The following CSMD1 variants were observed in gnomAD, a reference collection of about 807,000 sequenced individuals.
CSMD1 encodes CUB and Sushi multiple domains 1.
Under a neutral mutation model 417.5 loss-of-function variants are expected in CSMD1, and 213 were observed. That is an observed-to-expected ratio of 0.51 (90% CI 0.46 to 0.57). The LOEUF (loss-of-function observed/expected upper bound fraction) is 0.57, where lower values mean the gene tolerates loss of function less well. Among genes scored for constraint, CSMD1 ranks in the 20% least tolerant of loss-of-function variants. The pLI is 0.00. For missense variants in CSMD1, 6,923 were observed against 4,529.7 expected, an observed-to-expected ratio of 1.53 and a Z score of -15.17; for synonymous variants, 2,862 against 1,736.8, an observed-to-expected ratio of 1.65 and a Z score of -16.11.
At chr8:3,600,886 C>G (rs1045011107) in intron 8 of CSMD1, among the ~76,000 whole-genome samples, 38 of 151,902 alleles carry the variant, frequency 2.5e-4, no homozygotes, top group African/African-American at 8.5e-4. Flanking sequence ...TAAATGATTT[C>G]AATACAATAA....
chr8:2,971,163 T>C (rs1178805935), intron 57 of CSMD1, among the ~76,000 whole-genome samples: 4 of 152,220 alleles, frequency 2.6e-5, no homozygotes, highest in African/African-American at 7.2e-5. Flanking sequence ...TGTTGTCTCA[T>C]ACACACCCAT....
intron 1 of CSMD1, among the ~76,000 whole-genome samples, chr8:4,891,040 T>G (rs1424353522): frequency 6.6e-6 from 1 of 152,112 alleles, no homozygotes; most frequent in Non-Finnish European, 1.5e-5. Context: ...AATGGTTCCA[T>G]TCATTACATG....
chr8:4,480,075 G>A (rs917006014), intron 2 of CSMD1, among the ~76,000 whole-genome samples: 2 of 151,520 alleles, frequency 1.3e-5, no homozygotes, highest in African/African-American at 2.4e-5. Context: ...TGTTAGAGAA[G>A]TTTGAAGTAG....
chr8:4,062,653 G>A (rs964659573), intron 3 of CSMD1, among the ~76,000 whole-genome samples: 2 of 151,812 alleles, frequency 1.3e-5, no homozygotes, highest in African/African-American at 2.4e-5. Flanking sequence ...CAGTAGTCAC[G>A]TGCAGAAACA....
At chr8:3,574,773 T>A (rs757647986) in intron 10 of CSMD1, among the ~76,000 whole-genome samples, 172 bp downstream of exon 10, 7 of 152,206 alleles carry the variant, frequency 4.6e-5, no homozygotes, top group Non-Finnish European at 8.8e-5. Context: ...CATCTGAATC[T>A]CAGACTGCTC....
rs146849808 is a variant in CSMD1, at chr8:4,073,148, G to C, written c.416-41049C>G. Among the ~76,000 whole-genome samples, 689 of 152,128 alleles carry C rather than the reference G, an allele frequency of 4.5e-3. 2 individuals carry two copies. The highest frequency in any genetic ancestry group is 0.01 in the Middle Eastern group (3 of 294). On this transcript the variant is annotated intron_variant, in intron 3 of 69. Transcript: ENST00000635120. ...AAATTGGCAGAACATGAAAACTTTT[G>C]TGATTTCACTTTTAGAAAAAATCGA...
rs888026306 is a variant in CSMD1, at chr8:3,602,002, G to A, written c.1097+14708C>T. ...CGGGAGATGTGGGTAGGGGAGGATG[G>A]GAAGTTATGGCTTTATGGGTATGGA... On this transcript the variant is annotated intron_variant, in intron 8 of 69. Transcript: ENST00000635120. 4.6e-5 allele frequency among the ~76,000 whole-genome samples: 7 copies of A among 152,084 alleles called. No individual in the cohort carries two copies. The South Asian group carries it at 1.2e-3, about 27-fold the overall frequency.
At chr8:3,583,776 C>T (rs2116986444) in intron 9 of CSMD1, among the ~76,000 whole-genome samples, 1 of 152,138 alleles carries the variant, frequency 6.6e-6, no homozygotes, top group South Asian at 2.1e-4. Flanking sequence ...GGCTGCGCAG[C>T]CATGCCCTGA....
chr8:4,387,699 G>C (rs186163293), intron 3 of CSMD1, among the ~76,000 whole-genome samples: 1 of 151,140 alleles, frequency 6.6e-6, no homozygotes, highest in African/African-American at 2.4e-5. Flanking sequence ...AGACAGCCTT[G>C]AGGCAATAGT....
Position 3,342,186 on chromosome 8 carries a change from A to AT in CSMD1, c.3631+1107dup, listed in dbSNP as rs576730358. Among the ~76,000 whole-genome samples, 878 of 152,200 alleles carry AT rather than the reference A, an allele frequency of 5.8e-3. 11 individuals are homozygous for AT. The highest frequency in any genetic ancestry group is 0.013 in the Admixed American group (200 of 15,294). On this transcript the variant is annotated intron_variant, in intron 23 of 69. Transcript: ENST00000635120. ...TCATGATTTCAGCCACACTTATTCTATTTTTTGGCCAAAGTCTTACAATTC... is the reference window on the plus strand; with the variant it reads ...TCATGATTTCAGCCACACTTATTCTATTTTTTTGGCCAAAGTCTTACAATTC...
At chr8:3,689,300 G>T (rs914257554) in intron 7 of CSMD1, among the ~76,000 whole-genome samples, 1 of 152,108 alleles carries the variant, frequency 6.6e-6, no homozygotes, top group East Asian at 1.9e-4. Flanking sequence ...GCTAACATTG[G>T]ACTAAGCCAT....
chr8:3,230,608 C>A (rs1798778843), intron 26 of CSMD1, among the ~76,000 whole-genome samples: 1 of 152,078 alleles, frequency 6.6e-6, no homozygotes, highest in South Asian at 2.1e-4. Flanking sequence ...TTAAAGTACA[C>A]CAACCTCAAG....
At chr8:4,158,869 C>G (rs1310113148) in intron 3 of CSMD1, among the ~76,000 whole-genome samples, 1 of 152,142 alleles carries the variant, frequency 6.6e-6, no homozygotes, top group Admixed American at 6.5e-5. Context: ...AATCTCAAGT[C>G]CTCAGTTTAC....
Position 3,468,695 on chromosome 8 carries a change from G to T in CSMD1, c.1561+17C>A, listed in dbSNP as rs761199887. 1.3e-6 allele frequency: 2 copies of T among 1,516,548 alleles called. No individual in the cohort carries two copies. Among genetic ancestry groups the T allele is most frequent in the East Asian group, 4.6e-5 (2 of 43,568 alleles). 93.9% of individuals were successfully genotyped at this position (1,516,548 alleles called of 1,614,324 possible). The stretch of plus-strand genomic sequence containing the variant: ...GAATGCTAACTTCCAACCCTGTGAA[G>T]TGTAATCTCATCATACCTTGGTAAA... On this transcript the variant is annotated intron_variant, in intron 12 of 69. Coordinates refer to ENST00000635120, the MANE Select transcript of CSMD1 (RefSeq NM_033225.6).
At chr8:4,846,563 A>T (rs578092789) in intron 1 of CSMD1, among the ~76,000 whole-genome samples, 1 of 151,902 alleles carries the variant, frequency 6.6e-6, no homozygotes, top group Non-Finnish European at 1.5e-5. Context: ...TCTGCTTTAA[A>T]CTCATGGTAC....
intron 1 of CSMD1, among the ~76,000 whole-genome samples, chr8:4,760,554 G>A (rs1300314315): frequency 6.6e-6 from 1 of 151,944 alleles, no homozygotes; most frequent in Non-Finnish European, 1.5e-5. Context: ...TATATTATTG[G>A]CAAGCAGGAA....
chr8:3,037,644 G>C (rs529410864), intron 50 of CSMD1, among the ~76,000 whole-genome samples: 1 of 152,136 alleles, frequency 6.6e-6, no homozygotes, highest in Non-Finnish European at 1.5e-5. Flanking sequence ...GACGGTAAGA[G>C]GATATGGGAT....
chr8:3,385,343 G>C (rs937977659), intron 18 of CSMD1, among the ~76,000 whole-genome samples: 1 of 74,612 alleles, frequency 1.3e-5, no homozygotes, highest in Non-Finnish European at 2.8e-5. Flanking sequence ...ATTTTTTTGT[G>C]TTTTTGTGTT....
At chr8:4,196,618 G>GCC (rs780942358) in intron 3 of CSMD1, among the ~76,000 whole-genome samples, 10 of 152,056 alleles carry the variant, frequency 6.6e-5, no homozygotes, top group Non-Finnish European at 1.2e-4. Flanking sequence ...AATCTTCAAG[G>GCC]CCAGCAATGC....
Sources: allele counts gnomAD v4.1 joint callset (sites outside exome capture counted in the v4.1 genomes callset), GRCh38; gene constraint gnomAD v4.1.1; transcripts MANE v1.5; gene names NCBI Gene and HGNC (gene_info 2026-07-23, HGNC 2026-07-21).